SLC35F3: variants seen among roughly 807,000 people sequenced by gnomAD.
SLC35F3 encodes the protein solute carrier family 35 member F3.
A neutral mutation model predicts 49.9 loss-of-function variants in SLC35F3; 25 were observed. The ratio of observed to expected loss-of-function variants is 0.50; its 90% CI spans 0.37 to 0.70. The LOEUF (loss-of-function observed/expected upper bound fraction) is 0.70, where lower values mean the gene tolerates loss of function less well. Among genes scored for constraint, SLC35F3 ranks in the 30% least tolerant of loss-of-function variants. The probability of loss-of-function intolerance (pLI) is 0.00; values close to 1 mark genes in which losing one functional copy is unlikely to be tolerated. For missense variants in SLC35F3, 525 were observed against 639.8 expected (o/e 0.82, Z 1.94); for synonymous variants, 275 against 265.4 (o/e 1.04, Z -0.35).
intron 3 of SLC35F3, among the ~76,000 whole-genome samples, chr1:234,251,424 C>CTA (rs1287986531): frequency 1.0e-4 from 14 of 136,860 alleles, no homozygotes; most frequent in Admixed American, 1.0e-3. Flanking sequence ...CAGGTAGAAA[C>CTA]TATATATATA....
chr1:234,025,137 A>C (rs911505940), intron 2 of SLC35F3, among the ~76,000 whole-genome samples: 4 of 152,258 alleles, frequency 2.6e-5, no homozygotes, highest in African/African-American at 7.2e-5. Context: ...ATGTTGGTGC[A>C]AAGTACATGA....
At chr1:234,090,113 A>G (rs1665019528) in intron 2 of SLC35F3, among the ~76,000 whole-genome samples, 1 of 152,258 alleles carries the variant, frequency 6.6e-6, no homozygotes, top group Non-Finnish European at 1.5e-5. Context: ...TGTGCTGTCA[A>G]TCACAGAGAG....
At chr1:233,982,372 T>TTTTTA (rs1395562298) in intron 2 of SLC35F3, among the ~76,000 whole-genome samples, 1 of 152,104 alleles carries the variant, frequency 6.6e-6, no homozygotes, top group Non-Finnish European at 1.5e-5. Context: ...TTTAAATTTA[T>TTTTTA]TTTTATTTTA....
At chr1:233,921,796 T>TC (rs559761671) in intron 2 of SLC35F3, among the ~76,000 whole-genome samples, 3 of 105,376 alleles carry the variant, frequency 2.8e-5, no homozygotes, top group Non-Finnish European at 3.9e-5. Context: ...ATGCTATCCC[T>TC]CCCCCCTCCC....
Position 234,026,404 on chromosome 1 carries a change from A to G in SLC35F3, c.283+120646A>G, listed in dbSNP as rs116998502. On this transcript the variant is annotated intron_variant, in intron 2 of 7. Transcript: ENST00000366618. ...TTAAGGAAGCTGTTCTGCTTTACAT[A>G]TCTGAAAACTACTTAGAAAGTGTCT... Among the ~76,000 whole-genome samples the G allele has an allele frequency of 3.3e-5, 5 of 152,358 alleles. No homozygotes were observed. The East Asian group carries it at 9.6e-4, about 29-fold the overall frequency.
intron 2 of SLC35F3, among the ~76,000 whole-genome samples, chr1:233,963,733 G>A (rs553165057): frequency 6.6e-6 from 1 of 152,332 alleles, no homozygotes; most frequent in Non-Finnish European, 1.5e-5. Context: ...ATGTGGGGGA[G>A]GTGAAGGTCA....
intron 3 of SLC35F3, among the ~76,000 whole-genome samples, chr1:234,238,859 T>C (rs1227484777): frequency 6.6e-6 from 1 of 152,238 alleles, no homozygotes; most frequent in African/African-American, 2.4e-5. Context: ...ATCAAGGATA[T>C]GGCTTTGAAG....
At chr1:234,096,911 C>T (rs1237745135) in intron 2 of SLC35F3, among the ~76,000 whole-genome samples, 6 of 138,044 alleles carry the variant, frequency 4.3e-5, no homozygotes, top group African/African-American at 8.2e-5. Context: ...TTTCTTGAGA[C>T]GGAGTTTCAC....
intron 2 of SLC35F3, among the ~76,000 whole-genome samples, chr1:233,958,553 T>C (rs1662742661): frequency 6.6e-6 from 1 of 152,236 alleles, no homozygotes; most frequent in Non-Finnish European, 1.5e-5. Context: ...CTGATATCTT[T>C]TCCAACTAAG....
chr1:233,957,763 C>T lies in SLC35F3; in HGVS notation c.283+52005C>T, dbSNP rs574625626. 1.0e-3 allele frequency among the ~76,000 whole-genome samples: 159 copies of T among 151,944 alleles called. 1 individual carries two copies. The highest frequency in any genetic ancestry group is 3.6e-3 in the African/African-American group (149 of 41,422). On this transcript the variant is annotated intron_variant, in intron 2 of 7. Coordinates refer to ENST00000366618, the MANE Select transcript of SLC35F3 (RefSeq NM_173508.4). This position sits in a 1 kb window ranked among gnomAD's most constrained non-coding sequence, Gnocchi z 4.0. ...CCAAGAGGATGAGGTTGCATTGAGCCGAGACTGCATGATTGCACTCCACCT... is the reference window on the plus strand; with the variant it reads ...CCAAGAGGATGAGGTTGCATTGAGCTGAGACTGCATGATTGCACTCCACCT...
Position 233,994,022 on chromosome 1 carries a change from G to C in SLC35F3, c.283+88264G>C, listed in dbSNP as rs79389659. 9.0e-3 allele frequency among the ~76,000 whole-genome samples: 1,376 copies of C among 152,238 alleles called. 23 individuals carry two copies. The highest frequency in any genetic ancestry group is 0.032 in the African/African-American group (1,337 of 41,536). On this transcript the variant is annotated intron_variant, in intron 2 of 7. Coordinates refer to ENST00000366618, the MANE Select transcript of SLC35F3 (RefSeq NM_173508.4). ...GTAATTGTGCTTCTCTATAGCCATG[G>C]GGGAAAGGTATTTAATTGTCACCGT...
chr1:233,951,340 A>C (rs1413168977), intron 2 of SLC35F3, among the ~76,000 whole-genome samples: 1 of 151,884 alleles, frequency 6.6e-6, no homozygotes, highest in Non-Finnish European at 1.5e-5. Context: ...GTGTACAGTA[A>C]TGTTCTAGGC....
intron 2 of SLC35F3, among the ~76,000 whole-genome samples, chr1:233,907,994 G>C (rs371620736): frequency 1.3e-5 from 2 of 152,344 alleles, no homozygotes; most frequent in South Asian, 4.1e-4. Flanking sequence ...CCAAAGTGCT[G>C]GGATTATAGG....
At chr1:234,262,491 A>C (rs1454303416) in intron 3 of SLC35F3, among the ~76,000 whole-genome samples, 2 of 152,220 alleles carry the variant, frequency 1.3e-5, no homozygotes, top group Non-Finnish European at 2.9e-5. Flanking sequence ...TGGTGGTTGC[A>C]GTGGCTGCTT....
chr1:234,304,074 TCTTCCTTCCTTC>T (rs371955402), intron 3 of SLC35F3, among the ~76,000 whole-genome samples: 4 of 22,936 alleles, frequency 1.7e-4, no homozygotes, highest in East Asian at 1.1e-3. Context: ...TTCCTTCCTT[TCTTCCTTCCTTC>T]CTTCCTTCCT....
chr1:234,081,798 C>A (rs1001747092), intron 2 of SLC35F3, among the ~76,000 whole-genome samples: 9 of 150,282 alleles, frequency 6.0e-5, no homozygotes, highest in African/African-American at 2.2e-4. Flanking sequence ...AGTGCAGTGG[C>A]GCGATCTGGG....
At chr1:233,926,238 G>A (rs187709620) in intron 2 of SLC35F3, among the ~76,000 whole-genome samples, 87 of 152,162 alleles carry the variant, frequency 5.7e-4, no homozygotes, top group Middle Eastern at 3.4e-3. Context: ...TTTCCAACTC[G>A]GTTCCATTCT....
chr1:234,268,239 G>A (rs553839596), intron 3 of SLC35F3, among the ~76,000 whole-genome samples: 2 of 152,160 alleles, frequency 1.3e-5, no homozygotes, highest in Non-Finnish European at 1.5e-5. Context: ...GATCACTCGC[G>A]ATTAGGAGCT....
At chr1:233,923,522 G>T (rs1662102950) in intron 2 of SLC35F3, among the ~76,000 whole-genome samples, 1 of 152,196 alleles carries the variant, frequency 6.6e-6, no homozygotes, top group Admixed American at 6.5e-5. Flanking sequence ...TGCTGAAGTT[G>T]CCTATCAGCT....
Sources: gnomAD v4.1 joint callset for allele counts (sites outside exome capture counted in the v4.1 genomes callset) on GRCh38, gnomAD v4.1.1 for gene constraint, Gnocchi (gnomAD v3.1) non-coding constraint, MANE v1.5 for transcripts, NCBI Gene and HGNC (gene_info 2026-07-23, HGNC 2026-07-21) for gene names.